DNAH6: variants seen among roughly 807,000 people sequenced by gnomAD.
DNAH6 encodes axonemal beta dynein heavy chain 6.
Under a neutral mutation model 491.4 loss-of-function variants are expected in DNAH6, and 340 were observed. The ratio of observed to expected loss-of-function variants is 0.69; its 90% CI spans 0.63 to 0.76. The LOEUF (loss-of-function observed/expected upper bound fraction) is 0.76. DNAH6 is among the 30% of genes least tolerant of loss of function. The pLI is 0.00. For synonymous variants in DNAH6, 1,603 were observed against 1,686.1 expected (o/e 0.95, Z 1.21); for missense variants, 4,443 against 4,972.2 (o/e 0.89, Z 3.20).
intron 40 of DNAH6, among the ~76,000 whole-genome samples, chr2:84,676,654 T>A (rs948360769): frequency 6.6e-6 from 1 of 152,220 alleles, no homozygotes. Flanking sequence ...CCAACTTTAC[T>A]AAACTTAACT....
intron 70 of DNAH6, among the ~76,000 whole-genome samples, chr2:84,802,384 TA>T (rs904765893): frequency 1.3e-5 from 2 of 151,802 alleles, no homozygotes; most frequent in African/African-American, 2.4e-5. Flanking sequence ...GCAAACAAAA[TA>T]AAAAAGAGCA....
intron 68 of DNAH6, among the ~76,000 whole-genome samples, 159 bp downstream of exon 68, chr2:84,787,461 A>C (rs1677315732): frequency 6.6e-6 from 1 of 152,216 alleles, no homozygotes; most frequent in African/African-American, 2.4e-5. Context: ...TGTAACAAAA[A>C]TATATAAGGA....
intron 20 of DNAH6, among the ~76,000 whole-genome samples, chr2:84,605,813 C>T (rs1685701910): frequency 6.6e-6 from 1 of 152,054 alleles, no homozygotes; most frequent in South Asian, 2.1e-4. Context: ...AGAGTTGCAA[C>T]CTGTAGTTGG....
At chr2:84,584,598 G>A in intron 15 of DNAH6, 1 of 206,336 alleles carries the variant, frequency 4.8e-6, no homozygotes, top group Non-Finnish European at 9.9e-6. Flanking sequence ...TTTAAGTAGT[G>A]AATACATTTC....
Position 84,604,483 on chromosome 2 carries a change from G to T in DNAH6, c.3013G>T (p.Gly1005Cys). The T allele has an allele frequency of 6.4e-7, 1 of 1,551,686 alleles. No homozygotes were observed. The highest frequency in any genetic ancestry group is 8.7e-7 in the Non-Finnish European group (1 of 1,146,986). The change falls in exon 19 of 77, where the codon GGT (glycine) becomes TGT (cysteine). Residue 1005 changes from glycine to cysteine, a missense_variant. This residue lies in a region of DNAH6 where 2,977 missense variants were observed against 3,296.6 expected (regional missense o/e 0.90). Transcript: ENST00000389394. ...CTCCCAGTTGCATGTTTTTGACTTT[G>T]GTCAAGAAATCCAGGACATATCTGG... ...RLSQLHVFDF[G>C]QEIQDISGQA...
At chr2:84,717,566 T>TA (rs1697661544) in intron 58 of DNAH6, among the ~76,000 whole-genome samples, 1 of 151,978 alleles carries the variant, frequency 6.6e-6, no homozygotes, top group Admixed American at 6.6e-5. Flanking sequence ...GTGCCCACCT[T>TA]ATGGGGGGGG....
the DNAH6 span, among the ~76,000 whole-genome samples, chr2:84,497,815 G>A: frequency 6.6e-6 from 1 of 152,140 alleles, no homozygotes; most frequent in African/African-American, 2.4e-5. Context: ...AAAGGAACCA[G>A]GTAAGAGTAT....
At chr2:84,713,044 C>T (rs1697202107) in intron 56 of DNAH6, 51 bp from the exon 57 acceptor site, 2 of 1,476,970 alleles carry the variant, frequency 1.4e-6, no homozygotes, top group African/African-American at 1.4e-5. Flanking sequence ...TTCATGCTAT[C>T]CATTTTAATT....
intron 24 of DNAH6, 99 bp from the exon 25 acceptor site, chr2:84,621,092 G>A (rs550851715): frequency 8.1e-7 from 1 of 1,242,144 alleles, no homozygotes; most frequent in African/African-American, 1.5e-5. Flanking sequence ...TCAGGCTTCA[G>A]CGTTTATGTA....
chr2:84,550,115 A>G, intron 9 of DNAH6, 58 bp downstream of exon 9: 1 of 1,336,568 alleles, frequency 7.5e-7, no homozygotes. Context: ...AGGAGTGCAA[A>G]CTACGCTCTA....
chr2:84,725,341 T>C (rs1698528356), intron 60 of DNAH6, among the ~76,000 whole-genome samples: 1 of 151,992 alleles, frequency 6.6e-6, no homozygotes, highest in Non-Finnish European at 1.5e-5. Context: ...GAAATGGGAG[T>C]CAAGTTGTTT....
upstream of DNAH6, among the ~76,000 whole-genome samples, chr2:84,512,233 A>T (rs2104382288): frequency 6.6e-6 from 1 of 152,328 alleles, no homozygotes; most frequent in South Asian, 2.1e-4. Flanking sequence ...CATAAAGAAC[A>T]AAGAGTTATT....
In DNAH6 at chr2:84,685,434, A is replaced by T. The variant is rs941503788; in HGVS notation, c.7025A>T (p.Asp2342Val). ...VFHDRLINNE[D>V]KHYFHVILTE... Reference sequence around the variant, plus strand: ...CATGATCGCTTGATTAATAATGAAGATAAGCACTATTTCCATGTTATTCTG... The same window carrying T: ...CATGATCGCTTGATTAATAATGAAGTTAAGCACTATTTCCATGTTATTCTG... Residue 2342 changes from aspartate to valine, a missense_variant, in exon 43 of 77, where the codon GAT (aspartate) becomes GTT (valine). Transcript: ENST00000389394. The T allele has an allele frequency of 6.6e-6, 10 of 1,513,652 alleles. No individual in the cohort carries two copies. The highest frequency in any genetic ancestry group is 1.4e-5 in the African/African-American group (1 of 72,492). 93.8% of individuals were successfully genotyped at this position (1,513,652 alleles called of 1,614,324 possible).
At chr2:84,739,550 A>G (rs1306896786) in intron 62 of DNAH6, among the ~76,000 whole-genome samples, 1 of 152,124 alleles carries the variant, frequency 6.6e-6, no homozygotes, top group Non-Finnish European at 1.5e-5. Context: ...CATTTTTTAA[A>G]TTCTTTTTTA....
intron 37 of DNAH6, among the ~76,000 whole-genome samples, chr2:84,660,385 C>T (rs1416069838): frequency 6.6e-6 from 1 of 152,048 alleles, no homozygotes; most frequent in Admixed American, 6.6e-5. Context: ...TAAGTCCATA[C>T]TCATAATAAA....
intron 10 of DNAH6, among the ~76,000 whole-genome samples, chr2:84,556,075 A>G (rs1679989526): frequency 1.3e-5 from 2 of 152,212 alleles, no homozygotes; most frequent in Non-Finnish European, 2.9e-5. Flanking sequence ...CTGTAGTAGC[A>G]TCTTTCACAA....
At chr2:84,643,462 G>GT (rs923605107) in intron 33 of DNAH6, among the ~76,000 whole-genome samples, 8 of 151,962 alleles carry the variant, frequency 5.3e-5, no homozygotes, top group Non-Finnish European at 1.0e-4. Context: ...TATTTCTTCT[G>GT]TTTTTTTCTC....
At chr2:84,563,952 A>G (rs555230829) in intron 11 of DNAH6, among the ~76,000 whole-genome samples, 36 of 152,236 alleles carry the variant, frequency 2.4e-4, no homozygotes, top group Non-Finnish European at 4.1e-4. Flanking sequence ...TTGAATAGGG[A>G]ATCTTTTCCC....
At position 84,817,405 on chromosome 2, in the gene DNAH6, T is replaced by C. The variant is rs76458208; in HGVS notation, c.12373+1322T>C. On this transcript the variant is annotated intron_variant, in intron 76 of 76. Transcript: ENST00000389394. ...ACCAAACCATCTTTCAAAAGGGAAG[T>C]GAATAAAGACAGTTTTGAACATACA... Among the ~76,000 whole-genome samples the C allele has an allele frequency of 5.2e-3, 789 of 152,236 alleles. 7 individuals are homozygous for C. Among genetic ancestry groups the C allele is most frequent in the African/African-American group, 0.018 (749 of 41,538 alleles).
Sources: gnomAD v4.1 joint callset for allele counts (sites outside exome capture counted in the v4.1 genomes callset) on GRCh38, gnomAD v4.1.1 for gene constraint, gnomAD v4.1.1 regional missense constraint, MANE v1.5 for transcripts, NCBI Gene and HGNC (gene_info 2026-07-23, HGNC 2026-07-21) for gene names.